SPATS2: variants seen among roughly 807,000 people sequenced by gnomAD.
SPATS2 encodes the protein spermatogenesis associated serine rich 2.
A neutral mutation model predicts 63.7 loss-of-function variants in SPATS2; 38 were observed. The observed-to-expected ratio is 0.60, with a 90% CI of 0.46 to 0.78. The LOEUF is 0.78. Ranked by LOEUF, SPATS2 falls within the 30% of genes least tolerant of loss-of-function variation. The pLI, the probability that SPATS2 is intolerant of heterozygous loss-of-function variation, is 0.00. For synonymous variants in SPATS2, 207 were observed against 232.9 expected (o/e 0.89, Z 1.01); for missense variants, 588 against 666.2 (o/e 0.88, Z 1.29).
chr12:49,440,367 C>T (rs6580716), intron 2 of SPATS2, among the ~76,000 whole-genome samples: 28,429 of 152,042 alleles, frequency 0.19, 3,644 homozygotes, highest in African/African-American at 0.37. Context: ...TCTTTTCTCC[C>T]GCTCTTAAGA....
At chr12:49,400,044 GA>G (rs1944578837) in intron 2 of SPATS2, among the ~76,000 whole-genome samples, 1 of 151,930 alleles carries the variant, frequency 6.6e-6, no homozygotes, top group Non-Finnish European at 1.5e-5. Context: ...TCAAAAAAAA[GA>G]AAAAAATATG....
At chr12:49,502,401 A>G (rs997462788) in intron 9 of SPATS2, among the ~76,000 whole-genome samples, 6 of 152,178 alleles carry the variant, frequency 3.9e-5, no homozygotes, top group Admixed American at 2.6e-4. Context: ...CCTGAACTCT[A>G]AGTTTTACTT....
At chr12:49,389,690 A>G in intron 2 of SPATS2, 1 of 1,535,544 alleles carries the variant, frequency 6.5e-7, no homozygotes, top group Non-Finnish European at 9.0e-7. Context: ...AGTCGCAAGA[A>G]CATCGGCCAC....
intron 2 of SPATS2, among the ~76,000 whole-genome samples, chr12:49,447,150 G>A (rs1443425483): frequency 6.6e-6 from 1 of 152,168 alleles, no homozygotes; most frequent in African/African-American, 2.4e-5. Context: ...GGCTGGTCTT[G>A]AACTCCTGAT....
intron 2 of SPATS2, among the ~76,000 whole-genome samples, chr12:49,375,749 A>G (rs1944088861): frequency 6.6e-6 from 1 of 152,224 alleles, no homozygotes. Flanking sequence ...CGGGAAGTTA[A>G]TGTATTGTAG....
intron 6 of SPATS2, among the ~76,000 whole-genome samples, chr12:49,493,776 T>G (rs889244096): frequency 1.3e-5 from 2 of 152,228 alleles, no homozygotes; most frequent in African/African-American, 4.8e-5. Flanking sequence ...CAAACAGTAT[T>G]TTCAATTTCT....
At chr12:49,468,113 CTT>C (rs993537962) in intron 3 of SPATS2, among the ~76,000 whole-genome samples, 2 of 146,638 alleles carry the variant, frequency 1.4e-5, no homozygotes, top group African/African-American at 2.5e-5. Context: ...TTCTTTTTCT[CTT>C]TCTTTCTTCT....
chr12:49,443,054 C>T (rs1945450414), intron 2 of SPATS2, among the ~76,000 whole-genome samples: 1 of 152,120 alleles, frequency 6.6e-6, no homozygotes, highest in South Asian at 2.1e-4. Flanking sequence ...CCTTAAGGTT[C>T]ATCCTTGTAG....
At chr12:49,448,626 A>G (rs567708990) in intron 2 of SPATS2, among the ~76,000 whole-genome samples, 27 of 151,776 alleles carry the variant, frequency 1.8e-4, no homozygotes, top group Middle Eastern at 6.8e-3. Context: ...CTGTAGTCGC[A>G]ACTACTTGGG....
chr12:49,497,058 G>C, intron 8 of SPATS2, 49 bp downstream of exon 8: 1 of 1,475,700 alleles, frequency 6.8e-7, no homozygotes, highest in Non-Finnish European at 9.1e-7. Flanking sequence ...CTGTGTTTTT[G>C]GCTAAAGAGG....
chr12:49,479,482 C>T (rs1175086886), intron 3 of SPATS2, among the ~76,000 whole-genome samples: 10 of 152,224 alleles, frequency 6.6e-5, no homozygotes. Flanking sequence ...CTCAAGAGTA[C>T]ACGGATGCCT....
At position 49,453,768 on chromosome 12, in the gene SPATS2, G is replaced by A. The variant is rs1037241921; in HGVS notation, c.-243-7002G>A. ...TTTGAGGTTGCAGTGAGCTATGATC[G>A]TGCCACTCCCTGGGCAACGGAGGAA... is the stretch of plus-strand genomic sequence containing the variant. On this transcript the variant is annotated intron_variant, in intron 2 of 13. Coordinates refer to ENST00000552918, the MANE Select transcript of SPATS2 (RefSeq NM_023071.4). Among the ~76,000 whole-genome samples, 3 of 151,602 alleles carry A rather than the reference G, an allele frequency of 2.0e-5. No individual in the cohort carries two copies. The South Asian group carries it at 6.2e-4, about 31-fold the overall frequency.
At chr12:49,519,814 ATTT>A (rs113683730) in intron 11 of SPATS2, among the ~76,000 whole-genome samples, 1 of 136,312 alleles carries the variant, frequency 7.3e-6, no homozygotes, top group Non-Finnish European at 1.6e-5. Flanking sequence ...AGTTACCACT[ATTT>A]TTTTTTTTTT....
chr12:49,390,245 T>C, intron 2 of SPATS2: 2 of 827,466 alleles, frequency 2.4e-6, no homozygotes, highest in South Asian at 3.4e-5. Context: ...GAAAATTCAA[T>C]CCATTATTTT....
chr12:49,490,857 T>C, intron 6 of SPATS2, 126 bp downstream of exon 6: 2 of 883,856 alleles, frequency 2.3e-6, no homozygotes, highest in Non-Finnish European at 3.4e-6. Flanking sequence ...AAAAAACATC[T>C]TTGGCCAGGT....
At chr12:49,521,232 G>T (rs950609358) in intron 11 of SPATS2, among the ~76,000 whole-genome samples, 3 of 152,144 alleles carry the variant, frequency 2.0e-5, no homozygotes, top group Admixed American at 6.5e-5. Context: ...GAGAACACTT[G>T]CTGCAGAGGC....
At chr12:49,385,411 A>G (rs1241244801) in intron 2 of SPATS2, among the ~76,000 whole-genome samples, 1 of 151,886 alleles carries the variant, frequency 6.6e-6, no homozygotes, top group African/African-American at 2.4e-5. Flanking sequence ...AGATAGAGAC[A>G]GAGACAGATT....
At chr12:49,518,175 T>C (rs1946881289) in intron 10 of SPATS2, among the ~76,000 whole-genome samples, 1 of 152,180 alleles carries the variant, frequency 6.6e-6, no homozygotes, top group Non-Finnish European at 1.5e-5. Context: ...ATAGTAAAAA[T>C]TCCCACTTGG....
intron 2 of SPATS2, among the ~76,000 whole-genome samples, chr12:49,448,458 T>G (rs1289004247): frequency 6.6e-6 from 1 of 152,104 alleles, no homozygotes; most frequent in Non-Finnish European, 1.5e-5. Context: ...TTATTTTCTT[T>G]CAGTTCAAAA....
Sources: allele counts gnomAD v4.1 joint callset (sites outside exome capture counted in the v4.1 genomes callset), GRCh38; gene constraint gnomAD v4.1.1; transcripts MANE v1.5; gene names NCBI Gene and HGNC (gene_info 2026-07-23, HGNC 2026-07-21).